Variants in NELL2 observed in about 807,000 individuals in gnomAD.
NELL2 encodes protein kinase C-binding protein NELL2.
Under a neutral mutation model 109.6 loss-of-function variants are expected in NELL2, and 41 were observed. The observed-to-expected ratio is 0.37, with a 90% CI of 0.29 to 0.49. The LOEUF is 0.49. Among genes scored for constraint, NELL2 ranks in the 20% least tolerant of loss-of-function variants. The pLI is 0.98. For missense variants in NELL2, 900 were observed against 1,008.3 expected (o/e 0.89, Z 1.45); for synonymous variants, 355 against 344.7 (o/e 1.03, Z -0.33).
Position 44,572,534 on chromosome 12 carries a change from A to T in NELL2, c.1663+34635T>A, listed in dbSNP as rs535662224. ...GCTAATTAGGCAAATTAGGAAACAT[A>T]CTAGGAATTTATTTTAGCTTTCATA... is the stretch of plus-strand genomic sequence containing the variant. On this transcript the variant is annotated intron_variant, in intron 15 of 19. Coordinates refer to ENST00000429094, the MANE Select transcript of NELL2 (RefSeq NM_001145108.2). 1.1e-3 allele frequency among the ~76,000 whole-genome samples: 170 copies of T among 152,312 alleles called. 2 individuals are homozygous for T. The highest frequency in any genetic ancestry group is 1.6e-4 in the Non-Finnish European group (11 of 68,028).
rs191297698 is a variant in NELL2 at position 44,637,098 on chromosome 12, A to C, written c.1445-26128T>G. On this transcript the variant is annotated intron_variant, in intron 13 of 19. Coordinates refer to ENST00000429094, the MANE Select transcript of NELL2 (RefSeq NM_001145108.2). ...GTATTTCTGTGGGATCAGTGGTGATATCCCCTTTATCATTTTTTATTGTGT... is the reference window on the plus strand; with the variant it reads ...GTATTTCTGTGGGATCAGTGGTGATCTCCCCTTTATCATTTTTTATTGTGT... Among the ~76,000 whole-genome samples, 179 of 152,004 alleles carry C rather than the reference A, an allele frequency of 1.2e-3. 3 individuals carry two copies. In the East Asian group the frequency reaches 0.025, roughly 22 times the overall value.
At chr12:44,727,785 A>C (rs933454458) in intron 9 of NELL2, among the ~76,000 whole-genome samples, 1 of 152,112 alleles carries the variant, frequency 6.6e-6, no homozygotes, top group Non-Finnish European at 1.5e-5. Flanking sequence ...TAAACACATT[A>C]TATTAACTCT....
intron 9 of NELL2, among the ~76,000 whole-genome samples, chr12:44,726,039 T>C (rs1230660149): frequency 1.3e-5 from 2 of 152,056 alleles, no homozygotes; most frequent in African/African-American, 4.8e-5. Flanking sequence ...TAACAATAAA[T>C]ACACTGAGAA....
intron 2 of NELL2, among the ~76,000 whole-genome samples, chr12:44,824,887 CT>C: frequency 6.6e-6 from 1 of 151,466 alleles, no homozygotes; most frequent in Non-Finnish European, 1.5e-5. Flanking sequence ...ATTTTTTATA[CT>C]TTTAGTAGAG....
intron 1 of NELL2, among the ~76,000 whole-genome samples, chr12:44,896,053 C>G (rs377657823): frequency 1.3e-5 from 2 of 151,954 alleles, no homozygotes; most frequent in African/African-American, 4.8e-5. Flanking sequence ...AGCAAGAGTC[C>G]GAGATTTCCA....
intron 2 of NELL2, among the ~76,000 whole-genome samples, chr12:44,874,480 T>C (rs1945257283): frequency 6.6e-6 from 1 of 152,224 alleles, no homozygotes; most frequent in Non-Finnish European, 1.5e-5. Context: ...CATTGGAATT[T>C]GCTTCTGACT....
chr12:44,525,488 C>T (rs1941722015), intron 16 of NELL2, among the ~76,000 whole-genome samples: 1 of 152,116 alleles, frequency 6.6e-6, no homozygotes, highest in South Asian at 2.1e-4. Flanking sequence ...GCCTTTTCTG[C>T]TTATTATCTA....
chr12:44,800,374 CGAGA>C (rs147768132), intron 3 of NELL2, among the ~76,000 whole-genome samples: 5 of 150,910 alleles, frequency 3.3e-5, no homozygotes, highest in Middle Eastern at 6.8e-3. Context: ...TGAATTGAGA[CGAGA>C]GAGAGAGAGA....
chr12:44,715,951 C>A (rs957893606), intron 9 of NELL2, among the ~76,000 whole-genome samples: 2 of 151,976 alleles, frequency 1.3e-5, no homozygotes, highest in Non-Finnish European at 2.9e-5. Context: ...CATATTTTTA[C>A]TTTTAAATTT....
chr12:44,879,548 G>T (rs559874795), upstream of NELL2, among the ~76,000 whole-genome samples: 1 of 152,066 alleles, frequency 6.6e-6, no homozygotes, highest in South Asian at 2.1e-4. Context: ...AGACATAGCA[G>T]AAGATGGACA....
intron 15 of NELL2, among the ~76,000 whole-genome samples, chr12:44,565,410 T>C (rs916688310): frequency 6.6e-6 from 1 of 152,224 alleles, no homozygotes; most frequent in South Asian, 2.1e-4. Context: ...GTGAAATACG[T>C]GCATCTTAGA....
At chr12:44,623,241 T>C (rs987775794) in intron 13 of NELL2, among the ~76,000 whole-genome samples, 9 of 152,110 alleles carry the variant, frequency 5.9e-5, no homozygotes, top group African/African-American at 1.7e-4. Flanking sequence ...TGTGGGTACG[T>C]GTGTGAATAT....
intron 19 of NELL2, among the ~76,000 whole-genome samples, chr12:44,515,689 A>C (rs1252110830): frequency 6.6e-6 from 1 of 151,980 alleles, no homozygotes; most frequent in Non-Finnish European, 1.5e-5. Context: ...AGGAATAATA[A>C]GCACCTACTA....
At chr12:44,860,661 G>A (rs1373913222) in intron 2 of NELL2, among the ~76,000 whole-genome samples, 3 of 151,700 alleles carry the variant, frequency 2.0e-5, no homozygotes, top group Non-Finnish European at 4.4e-5. Flanking sequence ...ACAATTAAAA[G>A]GCCCCTTGTG....
intron 3 of NELL2, among the ~76,000 whole-genome samples, chr12:44,792,974 T>G (rs1426566428): frequency 6.6e-6 from 1 of 152,198 alleles, no homozygotes; most frequent in East Asian, 1.9e-4. Flanking sequence ...AAAATTCCAA[T>G]TATTCATTCA....
chr12:44,820,398 G>A (rs1192688844), intron 2 of NELL2, among the ~76,000 whole-genome samples: 5 of 152,094 alleles, frequency 3.3e-5, no homozygotes, highest in Non-Finnish European at 7.4e-5. Flanking sequence ...CACGAGGTCA[G>A]GAGATTGAGA....
chr12:44,577,892 C>A (rs1421305273), intron 15 of NELL2, among the ~76,000 whole-genome samples: 1 of 152,146 alleles, frequency 6.6e-6, no homozygotes, highest in South Asian at 2.1e-4. Context: ...TTCTAACTTG[C>A]ATTTTTGAAT....
chr12:44,594,867 TA>T lies in NELL2; in HGVS notation c.1663+12301del, dbSNP rs372672319. Among the ~76,000 whole-genome samples, 1,088 of 152,278 alleles carry T rather than the reference TA, an allele frequency of 7.1e-3. 10 individuals are homozygous for T. The highest frequency in any genetic ancestry group is 0.024 in the African/African-American group (1,014 of 41,570). ...AGTGTAAGGTACAAAGTTACCAGTG[TA>T]AAAGAGATTCAGTACCTTCTGGTTT... is the stretch of plus-strand genomic sequence containing the variant. On this transcript the variant is annotated intron_variant, in intron 15 of 19. Transcript: ENST00000429094.
intron 12 of NELL2, among the ~76,000 whole-genome samples, chr12:44,684,968 A>G (rs1214120517): frequency 6.6e-6 from 1 of 151,974 alleles, no homozygotes. Flanking sequence ...ATTCCTGGGT[A>G]TCCTTGTTGA....
Sources: gnomAD v4.1 joint callset for allele counts (sites outside exome capture counted in the v4.1 genomes callset) on GRCh38, gnomAD v4.1.1 for gene constraint, MANE v1.5 for transcripts, NCBI Gene and HGNC (gene_info 2026-07-23, HGNC 2026-07-21) for gene names.